COL11A1: variants seen among roughly 807,000 people sequenced by gnomAD.
The protein encoded by COL11A1 is collagen alpha-1(XI) chain.
In COL11A1, 74 loss-of-function variants were observed where a neutral mutation model predicts 265.2. The observed-to-expected ratio is 0.28, with a 90% CI of 0.23 to 0.34. The LOEUF (loss-of-function observed/expected upper bound fraction) is 0.34, where lower values mean the gene tolerates loss of function less well. Among genes scored for constraint, COL11A1 ranks in the 10% least tolerant of loss-of-function variants. The probability of loss-of-function intolerance (pLI) is 1.00; values close to 1 mark genes in which losing one functional copy is unlikely to be tolerated. For missense variants in COL11A1, 2,165 were observed against 2,263.6 expected, an observed-to-expected ratio of 0.96 and a Z score of 0.88; for synonymous variants, 816 against 727.6, an observed-to-expected ratio of 1.12 and a Z score of -1.96.
chr1:102,937,296 G>T (rs936542728), intron 44 of COL11A1, among the ~76,000 whole-genome samples: 1 of 152,078 alleles, frequency 6.6e-6, no homozygotes, highest in Non-Finnish European at 1.5e-5. Flanking sequence ...AGTCATTTTA[G>T]CATTGCTTTT....
At chr1:102,978,574 C>A in intron 35 of COL11A1, 134 bp downstream of exon 35, 1 of 928,446 alleles carries the variant, frequency 1.1e-6, no homozygotes, top group South Asian at 1.5e-5. Flanking sequence ...AAAAAATAAG[C>A]GTTTTTAAAT....
chr1:103,021,377 T>C (rs1667061834), intron 9 of COL11A1, among the ~76,000 whole-genome samples: 1 of 152,082 alleles, frequency 6.6e-6, no homozygotes, highest in South Asian at 2.1e-4. Context: ...AAAAGTCCTA[T>C]TATATCTCAT....
chr1:102,948,706 G>T (rs1322064806), intron 41 of COL11A1, among the ~76,000 whole-genome samples: 1 of 151,652 alleles, frequency 6.6e-6, no homozygotes, highest in Non-Finnish European at 1.5e-5. Context: ...ATTGCAGTTA[G>T]TACTTTTTTG....
At chr1:103,022,398 A>G (rs1329829350) in intron 8 of COL11A1, among the ~76,000 whole-genome samples, 2 of 152,158 alleles carry the variant, frequency 1.3e-5, no homozygotes, top group Non-Finnish European at 2.9e-5. Context: ...AATGTCATCA[A>G]ATTAAATTTA....
chr1:102,885,011 G>C (rs188848853), intron 63 of COL11A1, among the ~76,000 whole-genome samples: 1 of 152,146 alleles, frequency 6.6e-6, no homozygotes, highest in African/African-American at 2.4e-5. Flanking sequence ...TGGGAGGATG[G>C]AATACTACAA....
At chr1:103,097,184 C>A (rs1465360282) in intron 1 of COL11A1, among the ~76,000 whole-genome samples, 1 of 151,934 alleles carries the variant, frequency 6.6e-6, no homozygotes, top group African/African-American at 2.4e-5. Flanking sequence ...GCTAACTTGG[C>A]AGTTTCCTTG....
At chr1:103,003,414 A>T in intron 20 of COL11A1, 146 bp from the exon 21 acceptor site, 1 of 870,906 alleles carries the variant, frequency 1.1e-6, no homozygotes, top group Non-Finnish European at 1.8e-6. Flanking sequence ...GATGTCCATA[A>T]CATAAATATC....
chr1:102,878,862 A>T (rs1323677171), intron 66 of COL11A1, among the ~76,000 whole-genome samples: 2 of 152,152 alleles, frequency 1.3e-5, no homozygotes, highest in African/African-American at 4.8e-5. Flanking sequence ...TACATAGTCA[A>T]ATTCTCTTAC....
At chr1:103,094,374 CACATA>C (rs1673572852) in intron 1 of COL11A1, among the ~76,000 whole-genome samples, 1 of 152,138 alleles carries the variant, frequency 6.6e-6, no homozygotes, top group Non-Finnish European at 1.5e-5. Flanking sequence ...CTTCTTTTAT[CACATA>C]GACCCTTCTA....
rs372709465 is a variant in COL11A1 at position 102,921,574 on chromosome 1, G to A, written c.3655-3C>T. 1.9e-6 allele frequency: 3 copies of A among 1,611,876 alleles called. No homozygotes were observed. Among genetic ancestry groups the A allele is most frequent in the Admixed American group, 1.7e-5 (1 of 59,634 alleles). On this transcript the variant is annotated splice_polypyrimidine_tract_variant and splice_region_variant and intron_variant, in intron 47 of 66. Transcript: ENST00000370096. Reference sequence around the variant, plus strand: ...GGGCCTGGAGGACCAGGTGGCCCCTGTAAGAGAGAAATATTGAGGTTTACA... The same window carrying A: ...GGGCCTGGAGGACCAGGTGGCCCCTATAAGAGAGAAATATTGAGGTTTACA...
In COL11A1 at chr1:103,031,137, A is replaced by G. The variant is rs1301825532; in HGVS notation, c.759T>C (p.Ala253=). The G allele has an allele frequency of 6.2e-7, 1 of 1,613,284 alleles. No homozygotes were observed. The highest frequency in any genetic ancestry group is 1.3e-5 in the African/African-American group (1 of 74,986). The change falls in exon 5 of 67, where the codon GCT becomes GCC. Residue 253 remains alanine, a synonymous_variant. Coordinates refer to ENST00000370096, the MANE Select transcript of COL11A1 (RefSeq NM_001854.4). ...TCACCTCATCTATCTGAGGTTCCTG[A>G]GCTTGAGCAGCCTTGGGTGCTGAAG... is the stretch of plus-strand genomic sequence containing the variant. ...CDSSAPKAAQ[A]QEPQIDEYAP... is the part of the protein sequence containing the mutation.
intron 64 of COL11A1, among the ~76,000 whole-genome samples, chr1:102,882,336 C>A (rs1650362213): frequency 6.6e-6 from 1 of 152,152 alleles, no homozygotes; most frequent in Non-Finnish European, 1.5e-5. Flanking sequence ...CAATAGGGAA[C>A]TCGAGTTATC....
At chr1:103,103,237 C>T (rs919080414) in intron 1 of COL11A1, among the ~76,000 whole-genome samples, 1 of 151,856 alleles carries the variant, frequency 6.6e-6, no homozygotes, top group Non-Finnish European at 1.5e-5. Context: ...TAATAAAAGT[C>T]ATACTATATG....
chr1:102,909,755 A>G (rs1654424209), intron 54 of COL11A1, among the ~76,000 whole-genome samples: 1 of 152,064 alleles, frequency 6.6e-6, no homozygotes, highest in African/African-American at 2.4e-5. Flanking sequence ...TATAATCTAA[A>G]TCTGAATATG....
intron 6 of COL11A1, 82 bp downstream of exon 6, chr1:103,026,134 A>T (rs575770513): frequency 1.6e-6 from 2 of 1,213,410 alleles, no homozygotes; most frequent in East Asian, 4.6e-5. Context: ...GTTTATGGTA[A>T]GTTTGAGGAA....
At chr1:103,071,786 GA>G in intron 4 of COL11A1, among the ~76,000 whole-genome samples, 1 of 148,548 alleles carries the variant, frequency 6.7e-6, no homozygotes, top group East Asian at 2.0e-4. Context: ...ATAAGAAAAA[GA>G]AGTAATAATA....
intron 41 of COL11A1, among the ~76,000 whole-genome samples, chr1:102,949,744 T>C (rs543278764): frequency 6.3e-4 from 96 of 152,248 alleles, no homozygotes; most frequent in Middle Eastern, 3.4e-3. Flanking sequence ...AGTTTATAAA[T>C]GGTGAAAACA....
intron 4 of COL11A1, among the ~76,000 whole-genome samples, chr1:103,072,854 T>C (rs1018714739): frequency 9.2e-5 from 14 of 151,690 alleles, no homozygotes; most frequent in Non-Finnish European, 4.4e-5. Context: ...CTAAATTTCA[T>C]CCAATTCAAA....
chr1:102,958,634 CT>C (rs1292984273), intron 41 of COL11A1, among the ~76,000 whole-genome samples: 1 of 152,086 alleles, frequency 6.6e-6, no homozygotes, highest in African/African-American at 2.4e-5. Flanking sequence ...TGGTGTCTTC[CT>C]TTTAGTGAAT....
Sources: allele counts gnomAD v4.1 joint callset (sites outside exome capture counted in the v4.1 genomes callset), GRCh38; gene constraint gnomAD v4.1.1; transcripts MANE v1.5; gene names NCBI Gene and HGNC (gene_info 2026-07-23, HGNC 2026-07-21).